NEK10: variants seen among roughly 807,000 people sequenced by gnomAD.
The protein encoded by NEK10 is NIMA related kinase 10, also known as serine/threonine-protein kinase Nek10.
A neutral mutation model predicts 159.8 loss-of-function variants in NEK10; 122 were observed. The observed-to-expected ratio is 0.76, with a 90% confidence interval of 0.66 to 0.89. The LOEUF is 0.89. NEK10 is among the 40% of genes least tolerant of loss of function. The pLI, the probability that NEK10 is intolerant of heterozygous loss-of-function variation, is 0.00. For missense variants in NEK10, 1,342 were observed against 1,323.1 expected (o/e 1.01, Z -0.22); for synonymous variants, 466 against 457.1 (o/e 1.02, Z -0.25).
intron 20 of NEK10, among the ~76,000 whole-genome samples, chr3:27,285,545 CA>C (rs140646905): frequency 6.9e-6 from 1 of 145,968 alleles, no homozygotes. Context: ...AACAAACAAA[CA>C]AAAAAAAACA....
At chr3:27,275,120 C>G (rs1304908029) in intron 22 of NEK10, among the ~76,000 whole-genome samples, 1 of 152,154 alleles carries the variant, frequency 6.6e-6, no homozygotes, top group Non-Finnish European at 1.5e-5. Context: ...TCCTTCTGTG[C>G]TCACCCAGTT....
chr3:27,166,067 T>C (rs371903091), intron 29 of NEK10, among the ~76,000 whole-genome samples: 1 of 152,228 alleles, frequency 6.6e-6, no homozygotes, highest in African/African-American at 2.4e-5. Context: ...AGGTTTGGCT[T>C]ACAATAGTAA....
intron 30 of NEK10, among the ~76,000 whole-genome samples, chr3:27,147,214 G>A (rs1228122598): frequency 6.6e-6 from 1 of 152,198 alleles, no homozygotes; most frequent in African/African-American, 2.4e-5. Context: ...ACAGTGCACT[G>A]TAGCTGTTTC....
chr3:27,240,118 G>A (rs1954385006), intron 23 of NEK10, among the ~76,000 whole-genome samples: 1 of 152,144 alleles, frequency 6.6e-6, no homozygotes, highest in Non-Finnish European at 1.5e-5. Flanking sequence ...CCAATTAACT[G>A]TAAATACAGT....
intron 29 of NEK10, among the ~76,000 whole-genome samples, chr3:27,165,300 A>G (rs919932015): frequency 6.6e-6 from 1 of 152,234 alleles, no homozygotes; most frequent in Non-Finnish European, 1.5e-5. Context: ...CATTGTCACC[A>G]GAAGTGACAG....
chr3:27,221,517 T>C (rs1952099826), intron 23 of NEK10, among the ~76,000 whole-genome samples: 1 of 152,176 alleles, frequency 6.6e-6, no homozygotes. Flanking sequence ...AAATGGAAAA[T>C]GGTGCAGTCA....
chr3:27,359,237 T>TA (rs1208251935), intron 1 of NEK10, among the ~76,000 whole-genome samples: 1 of 147,144 alleles, frequency 6.8e-6, no homozygotes, highest in Non-Finnish European at 1.5e-5. Flanking sequence ...CAATCAAAAA[T>TA]AAAGTAATAA....
intron 5 of NEK10, among the ~76,000 whole-genome samples, chr3:27,326,879 C>A (rs1284015266): frequency 6.6e-6 from 1 of 152,166 alleles, no homozygotes; most frequent in Non-Finnish European, 1.5e-5. Flanking sequence ...AAGGACGGAG[C>A]ACATGGGATG....
chr3:27,352,314 G>A, intron 3 of NEK10, 151 bp downstream of exon 3: 1 of 651,284 alleles, frequency 1.5e-6, no homozygotes, highest in Non-Finnish European at 2.8e-6. Flanking sequence ...TGAACCAGGT[G>A]TCAGAGAAAC....
At chr3:27,315,819 G>C (rs576177443) in intron 6 of NEK10, among the ~76,000 whole-genome samples, 1 of 152,312 alleles carries the variant, frequency 6.6e-6, no homozygotes, top group Admixed American at 6.5e-5. Context: ...CCAGAATAGA[G>C]ACACCTCATT....
At chr3:27,339,341 C>CA (rs1250342143) in intron 5 of NEK10, among the ~76,000 whole-genome samples, 2 of 151,752 alleles carry the variant, frequency 1.3e-5, no homozygotes, top group East Asian at 3.9e-4. Flanking sequence ...GAAATTTAAA[C>CA]AAATTTACAA....
chr3:27,214,792 A>G (rs1951341340), intron 23 of NEK10: 1 of 930,616 alleles, frequency 1.1e-6, no homozygotes, highest in Non-Finnish European at 1.8e-6. Context: ...AGGTGAAGTC[A>G]CTGCTCCTGC....
At chr3:27,137,406 A>T (rs889970403) in intron 31 of NEK10, among the ~76,000 whole-genome samples, 1 of 152,210 alleles carries the variant, frequency 6.6e-6, no homozygotes, top group African/African-American at 2.4e-5. Context: ...GCATATGAAA[A>T]CTATATTTAA....
At chr3:27,268,066 T>A (rs770974674) in intron 22 of NEK10, among the ~76,000 whole-genome samples, 1 of 152,196 alleles carries the variant, frequency 6.6e-6, no homozygotes, top group African/African-American at 2.4e-5. Flanking sequence ...CTTAAGCCAA[T>A]GCCCAATCTG....
intron 22 of NEK10, among the ~76,000 whole-genome samples, chr3:27,257,070 C>G (rs1287044285): frequency 6.6e-6 from 1 of 152,046 alleles, no homozygotes; most frequent in Non-Finnish European, 1.5e-5. Flanking sequence ...CACGTGCCAC[C>G]ATGCCCGGCT....
At chr3:27,342,824 A>G (rs1168137977) in intron 5 of NEK10, among the ~76,000 whole-genome samples, 3 of 151,928 alleles carry the variant, frequency 2.0e-5, no homozygotes, top group Non-Finnish European at 4.4e-5. Context: ...AAAAAAAAAA[A>G]GAACTTTATT....
At chr3:27,307,052 G>T (rs1389278840) in intron 11 of NEK10, among the ~76,000 whole-genome samples, 2 of 152,012 alleles carry the variant, frequency 1.3e-5, no homozygotes, top group Non-Finnish European at 2.9e-5. Flanking sequence ...TACCGTATCA[G>T]TTATAGCACT....
intron 30 of NEK10, among the ~76,000 whole-genome samples, chr3:27,146,405 A>G (rs573675760): frequency 6.6e-6 from 1 of 152,306 alleles, no homozygotes; most frequent in African/African-American, 2.4e-5. Context: ...TCAGCTAAGG[A>G]TCAGGAACTT....
intron 23 of NEK10, among the ~76,000 whole-genome samples, chr3:27,207,068 T>C (rs747756092): frequency 2.6e-5 from 4 of 152,184 alleles, no homozygotes; most frequent in Non-Finnish European, 5.9e-5. Context: ...TCTGCAAGAC[T>C]CCAGGGTGAC....
Sources: allele counts gnomAD v4.1 joint callset (sites outside exome capture counted in the v4.1 genomes callset), GRCh38; gene constraint gnomAD v4.1.1; transcripts MANE v1.5; gene names NCBI Gene and HGNC (gene_info 2026-07-23, HGNC 2026-07-21).